The following DEF8 variants were observed in gnomAD, a reference collection of about 807,000 sequenced individuals.
The protein encoded by DEF8 is differentially expressed in FDCP 8 homolog.
In DEF8, 38 loss-of-function variants were observed where a neutral mutation model predicts 59.1. The observed-to-expected ratio is 0.64, with a 90% confidence interval of 0.50 to 0.84. DEF8 has a LOEUF of 0.84. Among genes scored for constraint, DEF8 ranks in the 40% least tolerant of loss-of-function variants. DEF8 has a pLI of 0.00. For missense variants in DEF8, 557 were observed against 615.2 expected, an observed-to-expected ratio of 0.91 and a Z score of 1.00; for synonymous variants, 265 against 250.1, an observed-to-expected ratio of 1.06 and a Z score of -0.56.
Position 89,967,177 on chromosome 16 carries a change from C to G in DEF8, c.*1214C>G, listed in dbSNP as rs1191876452. ...TTCTGCCTTGGGCAGTGGGGGTGCTCCTGTCTGTCCTTTTCCCCCACACCC... is the reference window on the plus strand; with the variant it reads ...TTCTGCCTTGGGCAGTGGGGGTGCTGCTGTCTGTCCTTTTCCCCCACACCC... On this transcript the variant is annotated 3_prime_UTR_variant, in exon 13 of 13. Coordinates refer to ENST00000563594, the MANE Select transcript of DEF8 (RefSeq NM_001242818.2). The G allele has an allele frequency of 1.3e-5, 5 of 397,764 alleles. No individual in the cohort carries two copies. Among genetic ancestry groups the G allele is most frequent in the Non-Finnish European group, 2.2e-5 (5 of 226,046 alleles). The allele number at this position is 397,764 out of a possible 1,614,324, so 24.6% of individuals were successfully genotyped here. A position where few individuals can be genotyped will look rare whatever the true frequency, so the allele number is the denominator to read the frequency against.
intron 10 of DEF8, chr16:89,963,770 G>T (rs1597528905): frequency 2.0e-6 from 1 of 495,206 alleles, no homozygotes; most frequent in Non-Finnish European, 3.7e-6. Flanking sequence ...CTAGATTCTG[G>T]AACAGTGAAC....
At chr16:89,949,356 G>A in intron 1 of DEF8, 61 bp from the exon 2 acceptor site, 1 of 1,391,192 alleles carries the variant, frequency 7.2e-7, no homozygotes, top group East Asian at 2.3e-5. Context: ...GGGAGACCGG[G>A]CGAGCTCCCG....
intron 2 of DEF8, 106 bp downstream of exon 2, chr16:89,949,619 G>A: frequency 1.2e-6 from 2 of 1,612,384 alleles, no homozygotes; most frequent in Admixed American, 3.3e-5. Context: ...TCACGCCGCG[G>A]GCAGGACGCG....
chr16:89,963,962 G>T (rs371438356), intron 10 of DEF8: 1 of 677,016 alleles, frequency 1.5e-6, no homozygotes, highest in Admixed American at 2.1e-5. Context: ...AGTGGAGGGC[G>T]GGGGGCTACA....
Position 89,965,844 on chromosome 16 carries a change from C to G in DEF8, c.1254-17C>G. ...GAGTTTCCTGTGCAGAGAGCCCCGA[C>G]CTCTTTCTGCCCCCAGGGACTGCTA... On this transcript the variant is annotated splice_polypyrimidine_tract_variant and intron_variant, in intron 12 of 12. Coordinates refer to ENST00000563594, the MANE Select transcript of DEF8 (RefSeq NM_001242818.2). 1 of 1,587,462 alleles carries G rather than the reference C, an allele frequency of 6.3e-7. No individual in the cohort carries two copies. Among genetic ancestry groups the G allele is most frequent in the East Asian group, 2.2e-5 (1 of 44,710 alleles).
At chr16:89,965,159 T>C (rs2034498513) in intron 12 of DEF8, among the ~76,000 whole-genome samples, 1 of 152,194 alleles carries the variant, frequency 6.6e-6, no homozygotes, top group Non-Finnish European at 1.5e-5. Context: ...GGAAAAATAA[T>C]GTACACAAAT....
In DEF8 at chr16:89,954,203, T is replaced by C. The variant is rs764676406; in HGVS notation, c.-10-40T>C. ...GAAAGGGGGTGGTCCGTGGTGAGCC[T>C]GGTACCTGGGGACTCATCCTGGCCC... On this transcript the variant is annotated intron_variant, in intron 2 of 12. Transcript: ENST00000563594. This position sits in a 1 kb window ranked among gnomAD's most constrained non-coding sequence, Gnocchi z 4.3. 6.2e-7 allele frequency: 1 copy of C among 1,601,704 alleles called. No individual in the cohort carries two copies. The highest frequency in any genetic ancestry group is 1.7e-5 in the Admixed American group (1 of 59,234).
intron 12 of DEF8, among the ~76,000 whole-genome samples, chr16:89,965,350 C>G (rs1194267569): frequency 6.6e-6 from 1 of 152,164 alleles, no homozygotes. Context: ...GCTGAAATCC[C>G]AGCTCTACAG....
Position 89,955,207 on chromosome 16 carries a change from C to A in DEF8, c.163C>A (p.Arg55Ser). 2 of 1,613,794 alleles carry A rather than the reference C, an allele frequency of 1.2e-6. No homozygotes were observed. Among genetic ancestry groups the A allele is most frequent in the Non-Finnish European group, 1.7e-6 (2 of 1,179,966 alleles). Residue 55 changes from arginine to serine, a missense_variant, in exon 4 of 13, where the codon CGC becomes AGC. By Grantham distance (110) the Arg-to-Ser change is moderately radical. Transcript: ENST00000563594. ...GCTGCCCCCTGGGGAGCCGGAATTC[C>A]GCTGCCCTGAACGCGTGATGGATCT... ...PELPPGEPEFRCPERVMDLGL... is the reference protein window; with the variant it reads ...PELPPGEPEFSCPERVMDLGL...
chr16:89,951,437 G>T (rs893681574), intron 2 of DEF8, among the ~76,000 whole-genome samples: 1 of 152,056 alleles, frequency 6.6e-6, no homozygotes, highest in East Asian at 1.9e-4. Flanking sequence ...TAGAGACGGG[G>T]TTTCACCAGG....
chr16:89,962,148 G>T (rs758162611), intron 9 of DEF8, 23 bp downstream of exon 9: 109 of 1,597,386 alleles, frequency 6.8e-5, no homozygotes, highest in Non-Finnish European at 9.2e-5. Context: ...CCATGGAAGT[G>T]GGGGGCGGGG....
chr16:89,967,743 C>A lies in DEF8; in HGVS notation c.*1780C>A, dbSNP rs917553024. ...ATTCCGAAATCTGTGTAATCAACTTCACATTATTCAAGTTACAAATCACTG... is the reference window on the plus strand; with the variant it reads ...ATTCCGAAATCTGTGTAATCAACTTAACATTATTCAAGTTACAAATCACTG... On this transcript the variant is annotated 3_prime_UTR_variant, in exon 13 of 13. Coordinates refer to ENST00000563594, the MANE Select transcript of DEF8 (RefSeq NM_001242818.2). 1.2e-4 allele frequency: 40 copies of A among 339,678 alleles called. No homozygotes were observed. Among genetic ancestry groups the A allele is most frequent in the African/African-American group, 8.2e-4 (39 of 47,334 alleles). The allele number at this position is 339,678 out of a possible 1,614,324, so 21.0% of individuals were successfully genotyped here. A position where few individuals can be genotyped will look rare whatever the true frequency, so the allele number is the denominator to read the frequency against.
intron 2 of DEF8, among the ~76,000 whole-genome samples, chr16:89,950,482 G>A (rs1372247874): frequency 8.6e-5 from 13 of 151,224 alleles, no homozygotes; most frequent in East Asian, 5.8e-4. Flanking sequence ...TCCACCTCCC[G>A]TGTTCAAGTG....
chr16:89,965,795 G>A (rs574823509), intron 12 of DEF8, 66 bp from the exon 13 acceptor site: 1 of 1,066,542 alleles, frequency 9.4e-7, no homozygotes, highest in East Asian at 2.5e-5. Context: ...GCTGACCTAG[G>A]ACGCTTGGGG....
chr16:89,961,411 C>T (rs1212004367), intron 7 of DEF8, among the ~76,000 whole-genome samples: 2 of 152,198 alleles, frequency 1.3e-5, no homozygotes, highest in Admixed American at 1.3e-4. Flanking sequence ...CACAGAAAGC[C>T]TCATAGACGG....
intron 1 of DEF8, 91 bp from the exon 2 acceptor site, chr16:89,949,326 G>T (rs985885592): frequency 9.5e-7 from 1 of 1,056,810 alleles, no homozygotes; most frequent in African/African-American, 1.6e-5. Context: ...GGGTGGGAGA[G>T]ACCTGCCCCC....
chr16:89,949,617 C>G, intron 2 of DEF8, 104 bp downstream of exon 2: 2 of 1,612,422 alleles, frequency 1.2e-6, no homozygotes, highest in Non-Finnish European at 8.5e-7. Context: ...GGTCACGCCG[C>G]GGGCAGGACG....
At chr16:89,962,244 A>G in intron 9 of DEF8, 119 bp downstream of exon 9, 1 of 894,848 alleles carries the variant, frequency 1.1e-6, no homozygotes, top group Non-Finnish European at 1.8e-6. Flanking sequence ...GAGGGAGGCC[A>G]CCTGCTTAGG....
At chr16:89,964,137 G>C in intron 10 of DEF8, 33 bp from the exon 11 acceptor site, 1 of 1,613,956 alleles carries the variant, frequency 6.2e-7, no homozygotes, top group South Asian at 1.1e-5. Flanking sequence ...GCCCTCCCCG[G>C]TGCAGGGCGT....
Sources: gnomAD v4.1 joint callset for allele counts (sites outside exome capture counted in the v4.1 genomes callset) on GRCh38, gnomAD v4.1.1 for gene constraint, Gnocchi (gnomAD v3.1) non-coding constraint, MANE v1.5 for transcripts, NCBI Gene and HGNC (gene_info 2026-07-23, HGNC 2026-07-21) for gene names.